Variants in DDX4 observed in about 807,000 individuals in gnomAD.
The protein encoded by DDX4 is DEAD-box helicase 4.
A neutral mutation model predicts 100.0 loss-of-function variants in DDX4; 25 were observed. That is an observed-to-expected ratio of 0.25 (90% CI 0.18 to 0.35). The LOEUF (loss-of-function observed/expected upper bound fraction) is 0.35. Ranked by LOEUF, DDX4 falls within the 10% of genes least tolerant of loss-of-function variation. DDX4 has a pLI of 1.00. For synonymous variants in DDX4, 259 were observed against 275.7 expected (o/e 0.94, Z 0.60); for missense variants, 635 against 882.4 (o/e 0.72, Z 3.55).
chr5:55,764,791 A>G (rs1227178658), intron 6 of DDX4, among the ~76,000 whole-genome samples: 1 of 152,228 alleles, frequency 6.6e-6, no homozygotes, highest in Non-Finnish European at 1.5e-5. Context: ...TCTGTTCCAT[A>G]GAATGGAAGG....
At chr5:55,792,449 T>A (rs960120589) in intron 16 of DDX4, among the ~76,000 whole-genome samples, 192 bp from the exon 17 acceptor site, 2 of 151,708 alleles carry the variant, frequency 1.3e-5, no homozygotes, top group Admixed American at 6.6e-5. Flanking sequence ...AAGCTCTGCC[T>A]CCCGGGTTCA....
At chr5:55,795,934 A>G (rs936120837) in intron 17 of DDX4, among the ~76,000 whole-genome samples, 1 of 152,228 alleles carries the variant, frequency 6.6e-6, no homozygotes, top group Non-Finnish European at 1.5e-5. Flanking sequence ...AGAAGCCAGT[A>G]GTGGCTCAGT....
chr5:55,782,680 TATAA>T (rs1741995915), intron 10 of DDX4, among the ~76,000 whole-genome samples: 1 of 151,664 alleles, frequency 6.6e-6, no homozygotes, highest in African/African-American at 2.4e-5. Context: ...TAAAGACAGA[TATAA>T]TATGTACAAA....
chr5:55,781,007 G>T, intron 8 of DDX4, 59 bp from the exon 9 acceptor site: 1 of 1,480,914 alleles, frequency 6.8e-7, no homozygotes, highest in South Asian at 1.3e-5. Context: ...TCTGTTTACT[G>T]AACGATTAAA....
At chr5:55,801,699 A>G (rs1018217595) in intron 18 of DDX4, among the ~76,000 whole-genome samples, 2 of 152,206 alleles carry the variant, frequency 1.3e-5, no homozygotes, top group Non-Finnish European at 1.5e-5. Flanking sequence ...GTTCATTAAC[A>G]ATAAATGGGC....
intron 18 of DDX4, among the ~76,000 whole-genome samples, chr5:55,806,698 T>C (rs936584366): frequency 1.3e-5 from 2 of 152,224 alleles, no homozygotes; most frequent in African/African-American, 4.8e-5. Flanking sequence ...GACAGTTTGT[T>C]ATAATTTCTG....
At chr5:55,750,729 T>C (rs1759504291) in intron 3 of DDX4, among the ~76,000 whole-genome samples, 1 of 152,214 alleles carries the variant, frequency 6.6e-6, no homozygotes, top group African/African-American at 2.4e-5. Context: ...GCTCTGTGTA[T>C]GTTTTTAAAC....
Position 55,785,544 on chromosome 5 carries a change from A to T in DDX4, c.721+50A>T, listed in dbSNP as rs373839063. On this transcript the variant is annotated intron_variant, in intron 12 of 21. Transcript: ENST00000505374. ...CATAGAAGTATGTTGTGTTTTAATA[A>T]TGCTTAAGTATTTTACTTAAAAACA... is the stretch of plus-strand genomic sequence containing the variant. 8 of 1,418,720 alleles carry T rather than the reference A, an allele frequency of 5.6e-6. No homozygotes were observed. In the African/African-American group the frequency reaches 1.2e-4, roughly 20 times the overall value. The allele number at this position is 1,418,720 out of a possible 1,614,324, so 87.9% of individuals were successfully genotyped here. A position where few individuals can be genotyped will look rare whatever the true frequency, so the allele number is the denominator to read the frequency against.
intron 3 of DDX4, 41 bp from the exon 4 acceptor site, chr5:55,760,158 CT>C (rs1407520283): frequency 6.5e-7 from 1 of 1,549,378 alleles, no homozygotes; most frequent in East Asian, 2.6e-5. Flanking sequence ...GTACTAGATA[CT>C]TGTTTTTATT....
chr5:55,758,502 C>G (rs1319632303), intron 3 of DDX4, among the ~76,000 whole-genome samples: 1 of 152,012 alleles, frequency 6.6e-6, no homozygotes, highest in African/African-American at 2.4e-5. Context: ...TAGAACTCAC[C>G]TGTAAAACCC....
chr5:55,747,966 C>A (rs1759332272), intron 3 of DDX4, among the ~76,000 whole-genome samples: 1 of 152,186 alleles, frequency 6.6e-6, no homozygotes, highest in Non-Finnish European at 1.5e-5. Flanking sequence ...GAAACCTGGC[C>A]TATGGTGGAA....
chr5:55,808,764 GGGACCCGCTTGA>G (rs1743920994), intron 18 of DDX4, among the ~76,000 whole-genome samples: 1 of 152,250 alleles, frequency 6.6e-6, no homozygotes, highest in South Asian at 2.1e-4. Flanking sequence ...TTGGGGGTCA[GGGACCCGCTTGA>G]GGAGGCAGTC....
chr5:55,790,838 A>C lies in DDX4; in HGVS notation c.1302+133A>C, dbSNP rs1742520398. On this transcript the variant is annotated intron_variant, in intron 16 of 21. Coordinates refer to ENST00000505374, the MANE Select transcript of DDX4 (RefSeq NM_024415.3). ...GTGTTAGCCTCCATCACATTCTTTGAATGCATTCTTATATAATTCTCAAGA... is the reference window on the plus strand; with the variant it reads ...GTGTTAGCCTCCATCACATTCTTTGCATGCATTCTTATATAATTCTCAAGA... 5.3e-6 allele frequency: 4 copies of C among 756,950 alleles called. No homozygotes were observed. The South Asian group carries it at 6.6e-5, about 12-fold the overall frequency. The allele number at this position is 756,950 out of a possible 1,614,324, so 46.9% of individuals were successfully genotyped here. A position where few individuals can be genotyped will look rare whatever the true frequency, so the allele number is the denominator to read the frequency against.
chr5:55,801,597 C>T (rs1743312319), intron 18 of DDX4, among the ~76,000 whole-genome samples: 1 of 152,112 alleles, frequency 6.6e-6, no homozygotes. Context: ...CCTGTGTCTA[C>T]CTCATGACCA....
intron 6 of DDX4, chr5:55,766,942 A>G (rs1036345541): frequency 9.9e-6 from 15 of 1,518,090 alleles, no homozygotes; most frequent in Non-Finnish European, 1.3e-5. Flanking sequence ...GGGGTCTAGG[A>G]ATTTATTTTT....
intron 17 of DDX4, 51 bp from the exon 18 acceptor site, chr5:55,798,375 G>T: frequency 6.3e-7 from 1 of 1,581,636 alleles, no homozygotes; most frequent in Non-Finnish European, 8.6e-7. Context: ...GGATATTATG[G>T]ATACTGATGG....
chr5:55,803,993 G>T (rs1422109075), intron 18 of DDX4, among the ~76,000 whole-genome samples: 2 of 150,856 alleles, frequency 1.3e-5, no homozygotes, highest in African/African-American at 4.9e-5. Flanking sequence ...GTTGTTTCCT[G>T]ACTTTTGAAT....
rs1741943484 is a variant in DDX4, at chr5:55,781,999, T to C, written c.625+18T>C. 2 of 1,613,708 alleles carry C rather than the reference T, an allele frequency of 1.2e-6. No homozygotes were observed. The highest frequency in any genetic ancestry group is 2.7e-5 in the African/African-American group (2 of 75,048). On this transcript the variant is annotated intron_variant, in intron 10 of 21. Coordinates refer to ENST00000505374, the MANE Select transcript of DDX4 (RefSeq NM_024415.3). ...TGAACGAGGTAAGTTCTTATTTTGT[T>C]TACCCGAAAGAAGTTAAAATCATTG...
At chr5:55,799,010 T>G (rs1419205393) in intron 18 of DDX4, among the ~76,000 whole-genome samples, 1 of 152,216 alleles carries the variant, frequency 6.6e-6, no homozygotes, top group East Asian at 1.9e-4. Context: ...GATCTAGTTC[T>G]CTTCCTTCAC....
Sources: gnomAD v4.1 joint callset for allele counts (sites outside exome capture counted in the v4.1 genomes callset) on GRCh38, gnomAD v4.1.1 for gene constraint, MANE v1.5 for transcripts, NCBI Gene and HGNC (gene_info 2026-07-23, HGNC 2026-07-21) for gene names.